Variants in KCNAB1 observed in about 807,000 individuals in gnomAD.
KCNAB1 encodes voltage-gated potassium channel subunit beta-1.
KCNAB1 carries 35 observed loss-of-function variants against 64.6 expected under a neutral mutation model. The ratio of observed to expected loss-of-function variants is 0.54; its 90% CI spans 0.41 to 0.72. The LOEUF is 0.72. Among genes scored for constraint, KCNAB1 ranks in the 30% least tolerant of loss-of-function variants. The pLI is 0.00. For synonymous variants in KCNAB1, 177 were observed against 183.8 expected (o/e 0.96, Z 0.30); for missense variants, 401 against 512.9 (o/e 0.78, Z 2.11).
intron 1 of KCNAB1, among the ~76,000 whole-genome samples, chr3:156,371,617 G>C (rs549712322): frequency 2.0e-5 from 3 of 152,178 alleles, no homozygotes; most frequent in Non-Finnish European, 4.4e-5. Context: ...AAAGGAGGGG[G>C]CTCAGGGTAC....
chr3:156,180,845 G>A (rs1712757820), intron 1 of KCNAB1, among the ~76,000 whole-genome samples: 1 of 152,174 alleles, frequency 6.6e-6, no homozygotes, highest in African/African-American at 2.4e-5. Context: ...AACAGAGATT[G>A]GCCTTGAAGA....
chr3:156,298,482 T>G (rs562988719), intron 1 of KCNAB1, among the ~76,000 whole-genome samples: 1 of 152,340 alleles, frequency 6.6e-6, no homozygotes, highest in South Asian at 2.1e-4. Flanking sequence ...ACATTTCAAT[T>G]TATGGTAATT....
chr3:156,143,012 A>T, intron 1 of KCNAB1: 1 of 1,329,086 alleles, frequency 7.5e-7, no homozygotes. Context: ...TCGGGAACTT[A>T]GGAGCCTGCT....
At chr3:156,118,504 C>T (rs1004967220), upstream of KCNAB1, among the ~76,000 whole-genome samples, 11 of 152,184 alleles carry the variant, frequency 7.2e-5, no homozygotes, top group African/African-American at 2.2e-4. Context: ...CAGGCCCCAC[C>T]TCTCAATGAC....
chr3:156,490,045 G>A (rs1250107185), intron 8 of KCNAB1, among the ~76,000 whole-genome samples: 1 of 152,056 alleles, frequency 6.6e-6, no homozygotes, highest in African/African-American at 2.4e-5. Flanking sequence ...TGGAGACATT[G>A]AGTTGACAGG....
At chr3:156,520,147 C>T (rs1172230502) in intron 11 of KCNAB1, among the ~76,000 whole-genome samples, 1 of 152,114 alleles carries the variant, frequency 6.6e-6, no homozygotes. Flanking sequence ...GTACATAAGT[C>T]TTTGTTAAAT....
rs551636741 is a variant in KCNAB1 at position 156,521,685 on chromosome 3, A to AAAAC, written c.961-2140_961-2137dup. Among the ~76,000 whole-genome samples the AAAAC allele has an allele frequency of 3.5e-4, 53 of 152,290 alleles. 1 individual carries two copies. The South Asian group carries it at 0.011, about 32-fold the overall frequency. ...CCACACCCACCTCCAACCTTCCTAC[A>AAAAC]AAACACACTTGTTTGCTTCCATATT... On this transcript the variant is annotated intron_variant, in intron 11 of 13. Coordinates refer to ENST00000490337, the MANE Select transcript of KCNAB1 (RefSeq NM_172160.3).
rs576283590 is a variant in KCNAB1, at chr3:156,198,533, C to G, written c.275+77647C>G. 4.6e-5 allele frequency among the ~76,000 whole-genome samples: 7 copies of G among 151,664 alleles called. No homozygotes were observed. In the East Asian group the frequency reaches 1.4e-3, roughly 29 times the overall value. The stretch of plus-strand genomic sequence containing the variant: ...CTTCTTGTTGAATTGATCCCTTTAC[C>G]ATTATGTAATGCCCTTCTTGGTCTT... On this transcript the variant is annotated intron_variant, in intron 1 of 13. Transcript: ENST00000490337.
chr3:156,323,443 CTG>C (rs568637186), intron 1 of KCNAB1, among the ~76,000 whole-genome samples: 129 of 152,294 alleles, frequency 8.5e-4, no homozygotes, highest in African/African-American at 2.9e-3. Context: ...TGTCATAAAA[CTG>C]TAAAAATGCT....
intron 1 of KCNAB1, among the ~76,000 whole-genome samples, chr3:156,331,344 G>A (rs1723314898): frequency 6.6e-6 from 1 of 152,158 alleles, no homozygotes; most frequent in African/African-American, 2.4e-5. Flanking sequence ...GGGGTGGTGG[G>A]GGTGGTTATT....
intron 1 of KCNAB1, among the ~76,000 whole-genome samples, chr3:156,189,197 G>A (rs1000487901): frequency 2.6e-5 from 4 of 152,088 alleles, no homozygotes; most frequent in Non-Finnish European, 5.9e-5. Flanking sequence ...CCTCTTTTTG[G>A]TTAAGAGGAG....
At chr3:156,271,533 G>A (rs1719036956) in intron 1 of KCNAB1, among the ~76,000 whole-genome samples, 1 of 152,088 alleles carries the variant, frequency 6.6e-6, no homozygotes, top group Non-Finnish European at 1.5e-5. Context: ...TTATACTTGA[G>A]TATTTTAAAT....
chr3:156,406,589 C>G lies in KCNAB1; in HGVS notation c.276-15027C>G, dbSNP rs577738398. On this transcript the variant is annotated intron_variant, in intron 1 of 13. Coordinates refer to ENST00000490337, the MANE Select transcript of KCNAB1 (RefSeq NM_172160.3). ...ATGCAAAGACACATTCTTCCTAATCCAGAGAATCCTAGTGATGGGATGCTA... is the reference window on the plus strand; with the variant it reads ...ATGCAAAGACACATTCTTCCTAATCGAGAGAATCCTAGTGATGGGATGCTA... 5.3e-5 allele frequency among the ~76,000 whole-genome samples: 8 copies of G among 152,244 alleles called. No individual in the cohort carries two copies. In the South Asian group the frequency reaches 1.7e-3, roughly 32 times the overall value.
At chr3:156,293,544 C>A (rs1237014386) in intron 1 of KCNAB1, among the ~76,000 whole-genome samples, 1 of 152,180 alleles carries the variant, frequency 6.6e-6, no homozygotes, top group Non-Finnish European at 1.5e-5. Flanking sequence ...ACATCAAGCA[C>A]TGTTATTTTG....
intron 1 of KCNAB1, among the ~76,000 whole-genome samples, chr3:156,286,531 G>T (rs1013223555): frequency 9.2e-5 from 14 of 152,166 alleles, no homozygotes; most frequent in African/African-American, 3.1e-4. Context: ...AAAATGTTTG[G>T]TTCTGACTTT....
At position 156,212,731 on chromosome 3, in the gene KCNAB1, C is replaced by T. The variant is rs563976178; in HGVS notation, c.275+91845C>T. On this transcript the variant is annotated intron_variant, in intron 1 of 13. Coordinates refer to ENST00000490337, the MANE Select transcript of KCNAB1 (RefSeq NM_172160.3). The stretch of plus-strand genomic sequence containing the variant: ...AGGCACAGAGGGGAGGCGAGCACTT[C>T]AGGCAGAGGAACTGCAAGGAAGCAC... 2.4e-4 allele frequency among the ~76,000 whole-genome samples: 36 copies of T among 152,238 alleles called. No individual in the cohort carries two copies. In the East Asian group the frequency reaches 3.5e-3, roughly 15 times the overall value.
chr3:156,218,801 A>AAAAAAAAAT (rs371264941), intron 1 of KCNAB1, among the ~76,000 whole-genome samples: 12 of 112,210 alleles, frequency 1.1e-4, no homozygotes, highest in Admixed American at 2.0e-4. Flanking sequence ...AAAAAAAAAA[A>AAAAAAAAAT]AATAATAATA....
At chr3:156,224,439 G>A (rs183395498) in intron 1 of KCNAB1, among the ~76,000 whole-genome samples, 49 of 152,252 alleles carry the variant, frequency 3.2e-4, no homozygotes, top group Non-Finnish European at 6.0e-4. Context: ...CCGAGGAGGC[G>A]CCAAGAGCAA....
intron 1 of KCNAB1, among the ~76,000 whole-genome samples, chr3:156,400,915 T>C (rs565992461): frequency 1.3e-5 from 2 of 152,214 alleles, no homozygotes; most frequent in Non-Finnish European, 2.9e-5. Context: ...CATAGAATGA[T>C]GTTTATTTAC....
Sources: allele counts gnomAD v4.1 joint callset (sites outside exome capture counted in the v4.1 genomes callset), GRCh38; gene constraint gnomAD v4.1.1; transcripts MANE v1.5; gene names NCBI Gene and HGNC (gene_info 2026-07-23, HGNC 2026-07-21).